SHISAL2B: variants seen among roughly 807,000 people sequenced by gnomAD.
SHISAL2B encodes the protein protein shisa-like-2B.
Under a neutral mutation model 16.5 loss-of-function variants are expected in SHISAL2B, and 12 were observed. The ratio of observed to expected loss-of-function variants is 0.73; its 90% CI spans 0.47 to 1.18. The LOEUF (loss-of-function observed/expected upper bound fraction) is 1.18. Ranked by LOEUF, SHISAL2B falls within the 50% of genes most tolerant of loss-of-function variation. SHISAL2B has a pLI of 0.00. For synonymous variants in SHISAL2B, 72 were observed against 75.0 expected (o/e 0.96, Z 0.21); for missense variants, 183 against 193.6 (o/e 0.95, Z 0.33).
chr5:64,709,496 A>G (rs1741924320), intron 2 of SHISAL2B, among the ~76,000 whole-genome samples: 1 of 147,850 alleles, frequency 6.8e-6, no homozygotes, highest in Non-Finnish European at 1.5e-5. Context: ...CGCAATAAAC[A>G]TACGTGTGCA....
rs1741616873 is a variant in SHISAL2B, at chr5:64,690,593, C to T, written c.-31C>T. ...GTGCGATCCGAGAGCAGACCGGGGC[C>T]CTCGCGAGCCTCTCCCGGCCCCTGC... On this transcript the variant is annotated 5_prime_UTR_variant, in exon 1 of 3. Transcript: ENST00000389074. 7 of 1,440,492 alleles carry T rather than the reference C, an allele frequency of 4.9e-6. No homozygotes were observed. Among genetic ancestry groups the T allele is most frequent in the Non-Finnish European group, 6.4e-6 (7 of 1,093,996 alleles). 89.2% of individuals were successfully genotyped at this position (1,440,492 alleles called of 1,614,324 possible).
At chr5:64,700,129 G>T (rs1741787658) in intron 2 of SHISAL2B, among the ~76,000 whole-genome samples, 2 of 151,210 alleles carry the variant, frequency 1.3e-5, no homozygotes, top group South Asian at 4.2e-4. Context: ...AGATGGCTGT[G>T]TGAAAGGCAC....
At chr5:64,711,486 G>C (rs1363754981) in intron 2 of SHISAL2B, among the ~76,000 whole-genome samples, 1 of 129,450 alleles carries the variant, frequency 7.7e-6, no homozygotes, top group African/African-American at 3.2e-5. Flanking sequence ...CAAGGATATT[G>C]GTCTAAAATT....
chr5:64,709,276 G>C (rs1580525296), intron 2 of SHISAL2B, among the ~76,000 whole-genome samples: 1 of 149,048 alleles, frequency 6.7e-6, no homozygotes, highest in East Asian at 2.0e-4. Flanking sequence ...CTATGAGTGA[G>C]AATATGTGGT....
chr5:64,693,013 C>CT lies in SHISAL2B; in HGVS notation c.191+2211dup, dbSNP rs879508270. 6.0e-3 allele frequency among the ~76,000 whole-genome samples: 873 copies of CT among 145,256 alleles called. 7 individuals are homozygous for CT. Among genetic ancestry groups the CT allele is most frequent in the Middle Eastern group, 7.2e-3 (2 of 276 alleles). On this transcript the variant is annotated intron_variant, in intron 1 of 2. Coordinates refer to ENST00000389074, the MANE Select transcript of SHISAL2B (RefSeq NM_001164442.2). ...CATGCATAAAGCAACATTTCTTCTC[C>CT]TTTTTTTTTTTTGAAACGGGGTCTC...
chr5:64,707,889 A>G (rs1461078059), intron 2 of SHISAL2B, among the ~76,000 whole-genome samples: 1 of 152,188 alleles, frequency 6.6e-6, no homozygotes, highest in South Asian at 2.1e-4. Flanking sequence ...GAGAGTCCTG[A>G]AAGTTTTTTC....
intron 2 of SHISAL2B, among the ~76,000 whole-genome samples, chr5:64,710,353 G>A (rs1741941204): frequency 1.8e-5 from 2 of 108,794 alleles, no homozygotes; most frequent in African/African-American, 8.6e-5. Flanking sequence ...TTGTAGGTAT[G>A]CGGCGTTATT....
intron 2 of SHISAL2B, among the ~76,000 whole-genome samples, chr5:64,703,122 G>A (rs1162568692): frequency 1.3e-5 from 2 of 152,078 alleles, no homozygotes; most frequent in African/African-American, 4.8e-5. Context: ...AAAGACAAAT[G>A]GTATTTTGAT....
At chr5:64,708,462 A>G (rs1364629990) in intron 2 of SHISAL2B, among the ~76,000 whole-genome samples, 1 of 152,188 alleles carries the variant, frequency 6.6e-6, no homozygotes, top group Non-Finnish European at 1.5e-5. Context: ...GAAAACCTTT[A>G]TTCTTTGAGA....
rs765901659 is a variant in SHISAL2B at position 64,690,819 on chromosome 5, G to T, written c.191+5G>T. Reference sequence around the variant, plus strand: ...CAGCTACATGTGGAGCCTCAGGTGGGCTGAGAGCCCGCGCGTGCGGCGGCT... The same window carrying T: ...CAGCTACATGTGGAGCCTCAGGTGGTCTGAGAGCCCGCGCGTGCGGCGGCT... On this transcript the variant is annotated splice_donor_5th_base_variant and intron_variant, in intron 1 of 2. Transcript: ENST00000389074. 4.0e-6 allele frequency: 6 copies of T among 1,500,454 alleles called. No individual in the cohort carries two copies. In the Admixed American group the frequency reaches 1.1e-4, roughly 27 times the overall value. 92.9% of individuals were successfully genotyped at this position (1,500,454 alleles called of 1,614,324 possible).
chr5:64,698,977 T>G (rs1187852007), intron 2 of SHISAL2B, among the ~76,000 whole-genome samples: 1 of 152,232 alleles, frequency 6.6e-6, no homozygotes, highest in Non-Finnish European at 1.5e-5. Flanking sequence ...TTTTCCAGAT[T>G]TAGCTTAGAT....
At chr5:64,716,240 A>G (rs2112076034) in intron 2 of SHISAL2B, among the ~76,000 whole-genome samples, 1 of 152,348 alleles carries the variant, frequency 6.6e-6, no homozygotes, top group East Asian at 1.9e-4. Flanking sequence ...ATCTTTACAT[A>G]TTAGGCATGC....
intron 2 of SHISAL2B, among the ~76,000 whole-genome samples, chr5:64,714,072 A>G (rs9647524): frequency 1.5e-3 from 212 of 146,180 alleles, no homozygotes; most frequent in Non-Finnish European, 2.3e-3. Flanking sequence ...GCTTTGTTCC[A>G]TTGCTGGTGA....
At chr5:64,699,965 A>G (rs548965685) in intron 2 of SHISAL2B, among the ~76,000 whole-genome samples, 2 of 152,218 alleles carry the variant, frequency 1.3e-5, no homozygotes, top group Non-Finnish European at 2.9e-5. Context: ...CAGAGGACCT[A>G]TTGCTAAAGC....
At chr5:64,717,853 A>T (rs1742079213) in intron 2 of SHISAL2B, 36 bp from the exon 3 acceptor site, 1 of 1,482,330 alleles carries the variant, frequency 6.7e-7, no homozygotes, top group African/African-American at 1.4e-5. Context: ...ACGATGTCAT[A>T]ATTTCAAATA....
chr5:64,697,087 T>C (rs1165865946), intron 2 of SHISAL2B, among the ~76,000 whole-genome samples: 1 of 152,240 alleles, frequency 6.6e-6, no homozygotes, highest in Non-Finnish European at 1.5e-5. Flanking sequence ...CTTTGTACTC[T>C]TTCTCTTTAT....
intron 2 of SHISAL2B, among the ~76,000 whole-genome samples, chr5:64,716,600 A>T (rs1742056543): frequency 6.6e-6 from 1 of 152,140 alleles, no homozygotes; most frequent in Non-Finnish European, 1.5e-5. Context: ...GGTAGGTCTT[A>T]TTGAGAAGAT....
chr5:64,690,528 C>A lies in SHISAL2B; in HGVS notation c.-96C>A. On this transcript the variant is annotated 5_prime_UTR_variant, in exon 1 of 3. Coordinates refer to ENST00000389074, the MANE Select transcript of SHISAL2B (RefSeq NM_001164442.2). ...AGAGCCCAGATCGGAAGAGCCGAGTCCGGGCAGAGGGGTCCGCGGGCTCTG... is the reference window on the plus strand; with the variant it reads ...AGAGCCCAGATCGGAAGAGCCGAGTACGGGCAGAGGGGTCCGCGGGCTCTG... 9.5e-7 allele frequency: 1 copy of A among 1,051,654 alleles called. No homozygotes were observed. Among genetic ancestry groups the A allele is most frequent in the Non-Finnish European group, 1.3e-6 (1 of 785,182 alleles). 65.1% of individuals were successfully genotyped at this position (1,051,654 alleles called of 1,614,324 possible).
At chr5:64,695,699 G>T in intron 2 of SHISAL2B, 35 bp downstream of exon 2, 1 of 1,425,744 alleles carries the variant, frequency 7.0e-7, no homozygotes, top group South Asian at 1.4e-5. Flanking sequence ...CCAATTACCT[G>T]AACTCTATCC....
Sources: allele counts gnomAD v4.1 joint callset (sites outside exome capture counted in the v4.1 genomes callset), GRCh38; gene constraint gnomAD v4.1.1; transcripts MANE v1.5; gene names NCBI Gene and HGNC (gene_info 2026-07-23, HGNC 2026-07-21).